The following PRKN variants were observed in gnomAD, a reference collection of about 807,000 sequenced individuals.
PRKN encodes the protein parkin RBR E3 ubiquitin protein ligase, also known as E3 ubiquitin-protein ligase parkin.
PRKN carries 56 observed loss-of-function variants against 59.5 expected under a neutral mutation model. The ratio of observed to expected loss-of-function variants is 0.94; its 90% CI spans 0.76 to 1.18. The LOEUF is 1.18. PRKN is among the 50% of genes most tolerant of loss of function. The pLI is 0.00. For synonymous variants in PRKN, 250 were observed against 222.1 expected, an observed-to-expected ratio of 1.13 and a Z score of -1.12; for missense variants, 657 against 596.4, an observed-to-expected ratio of 1.10 and a Z score of -1.06.
In PRKN at chr6:161,354,708, A is replaced by T. The variant is rs1274757044; in HGVS notation, c.1286-4497T>A. On this transcript the variant is annotated intron_variant, in intron 11 of 11. Transcript: ENST00000366898. The surrounding 1 kb of genome is among the most constrained non-coding windows in gnomAD (Gnocchi z 6.7). ...CAGGCCACGAACCTTGGTGACAACC[A>T]GGTAACATCCTTGGTCATAGAGGCT... is the stretch of plus-strand genomic sequence containing the variant. Among the ~76,000 whole-genome samples, 2 of 152,256 alleles carry T rather than the reference A, an allele frequency of 1.3e-5. No individual in the cohort carries two copies. Among genetic ancestry groups the T allele is most frequent in the African/African-American group, 4.8e-5 (2 of 41,466 alleles).
At position 161,484,040 on chromosome 6, in the gene PRKN, G is replaced by A. The variant is rs149908050; in HGVS notation, c.1083+64814C>T. ...GGCCTGCTGGGGGGTTGTGGGGAGG[G>A]AGAGCATCAGGAAGAATACCTAATG... is the stretch of plus-strand genomic sequence containing the variant. On this transcript the variant is annotated intron_variant, in intron 9 of 11. Coordinates refer to ENST00000366898, the MANE Select transcript of PRKN (RefSeq NM_004562.3). The surrounding 1 kb of genome is among the most constrained non-coding windows in gnomAD (Gnocchi z 4.9). Among the ~76,000 whole-genome samples the A allele has an allele frequency of 1.1e-4, 17 of 152,220 alleles. No homozygotes were observed. The East Asian group carries it at 3.3e-3, about 30-fold the overall frequency.
At chr6:162,552,401 C>T (rs1418995649) in intron 1 of PRKN, among the ~76,000 whole-genome samples, 6 of 152,018 alleles carry the variant, frequency 3.9e-5, no homozygotes, top group South Asian at 2.1e-4. Context: ...GGCAGGTTAT[C>T]GCGGTGGCAA....
At chr6:161,890,736 T>C (rs1795312772) in intron 6 of PRKN, among the ~76,000 whole-genome samples, 1 of 152,196 alleles carries the variant, frequency 6.6e-6, no homozygotes. Context: ...GGAACAGAAT[T>C]CTACATTCCA....
chr6:162,265,886 T>C (rs1780108301), intron 2 of PRKN, among the ~76,000 whole-genome samples: 1 of 152,166 alleles, frequency 6.6e-6, no homozygotes, highest in Non-Finnish European at 1.5e-5. Context: ...CTGAGATTTC[T>C]GCTTGTCCTC....
rs11293379 is a variant in PRKN, at chr6:161,372,825, ATTTTT to A, written c.1168-12625_1168-12621del. 8.7e-6 allele frequency among the ~76,000 whole-genome samples: 1 copy of A among 114,436 alleles called. No individual in the cohort carries two copies. Among genetic ancestry groups the A allele is most frequent in the African/African-American group, 3.4e-5 (1 of 29,568 alleles). 75.1% of individuals were successfully genotyped at this position (114,436 alleles called of 152,430 possible). On this transcript the variant is annotated intron_variant, in intron 10 of 11. Transcript: ENST00000366898. This position sits in a 1 kb window ranked among gnomAD's most constrained non-coding sequence, Gnocchi z 4.2. The stretch of plus-strand genomic sequence containing the variant: ...TGGTCAACAAAGACAGAGAGACCCT[ATTTTT>A]TTTTTTTTTTTTTTTTTGAGACAGG...
intron 4 of PRKN, among the ~76,000 whole-genome samples, chr6:162,102,636 T>C (rs1385966225): frequency 6.6e-6 from 1 of 152,172 alleles, no homozygotes; most frequent in African/African-American, 2.4e-5. Context: ...GATCCATGCC[T>C]TCTTAAAGCA....
At position 161,497,567 on chromosome 6, in the gene PRKN, T is replaced by C. The variant is rs1382876520; in HGVS notation, c.1083+51287A>G. 7.2e-6 allele frequency among the ~76,000 whole-genome samples: 1 copy of C among 138,140 alleles called. No homozygotes were observed. Among genetic ancestry groups the C allele is most frequent in the Non-Finnish European group, 1.6e-5 (1 of 62,216 alleles). The allele number at this position is 138,140 out of a possible 152,430, so 90.6% of individuals were successfully genotyped here. A position where few individuals can be genotyped will look rare whatever the true frequency, so the allele number is the denominator to read the frequency against. ...CAGTGCTTACATGTCTCTCTCTCTC[T>C]CTCTCTCTCTCACACACACACACAC... On this transcript the variant is annotated intron_variant, in intron 9 of 11. Transcript: ENST00000366898. The surrounding 1 kb of genome is among the most constrained non-coding windows in gnomAD (Gnocchi z 4.6).
At chr6:162,111,865 C>T (rs910483221) in intron 4 of PRKN, among the ~76,000 whole-genome samples, 15 of 152,208 alleles carry the variant, frequency 9.9e-5, no homozygotes, top group Non-Finnish European at 1.5e-4. Flanking sequence ...GTCTTGCTTC[C>T]ATAACTCAAC....
chr6:161,496,874 G>A, intron 9 of PRKN, among the ~76,000 whole-genome samples: 1 of 152,206 alleles, frequency 6.6e-6, no homozygotes, highest in East Asian at 1.9e-4. Flanking sequence ...AACACCAGAA[G>A]CCAGAAGATG....
chr6:162,491,535 C>T lies in PRKN; in HGVS notation c.8-48062G>A, dbSNP rs573252005. Among the ~76,000 whole-genome samples, 15 of 152,280 alleles carry T rather than the reference C, an allele frequency of 9.9e-5. No individual in the cohort carries two copies. The South Asian group carries it at 1.9e-3, about 19-fold the overall frequency. ...CCAGACAGCACCTGACTGCAGTTGC[C>T]GTGCCTCACTCACTTTCCGCCTTCA... On this transcript the variant is annotated intron_variant, in intron 1 of 11. Transcript: ENST00000366898.
chr6:161,807,916 C>T (rs1333031631), intron 6 of PRKN, among the ~76,000 whole-genome samples: 1 of 152,178 alleles, frequency 6.6e-6, no homozygotes, highest in Admixed American at 6.5e-5. Flanking sequence ...ACAATTCAAC[C>T]CACAGGTACA....
intron 6 of PRKN, among the ~76,000 whole-genome samples, chr6:161,889,453 A>G (rs1391836036): frequency 1.3e-5 from 2 of 152,186 alleles, no homozygotes; most frequent in African/African-American, 4.8e-5. Context: ...GGCGCACAGC[A>G]TCTCAAAGGC....
chr6:162,222,255 T>A (rs959825980), intron 3 of PRKN, among the ~76,000 whole-genome samples: 2 of 152,056 alleles, frequency 1.3e-5, no homozygotes, highest in African/African-American at 4.8e-5. Flanking sequence ...ATACCAAAGA[T>A]AAAGGATTTT....
intron 8 of PRKN, among the ~76,000 whole-genome samples, chr6:161,555,960 A>G (rs1780222955): frequency 6.6e-6 from 1 of 152,232 alleles, no homozygotes; most frequent in African/African-American, 2.4e-5. Context: ...CTCTTAAGTA[A>G]TTGACTATTT....
rs1034564898 is a variant in PRKN at position 161,429,063 on chromosome 6, C to T, written c.1084-42186G>A. On this transcript the variant is annotated intron_variant, in intron 9 of 11. Coordinates refer to ENST00000366898, the MANE Select transcript of PRKN (RefSeq NM_004562.3). This position sits in a 1 kb window ranked among gnomAD's most constrained non-coding sequence, Gnocchi z 4.2. The stretch of plus-strand genomic sequence containing the variant: ...AAGATGTTCCTGAAGCTAAACTTCT[C>T]TTAGACAGGACACCTGCAGATGGCA... Among the ~76,000 whole-genome samples the T allele has an allele frequency of 2.6e-5, 4 of 152,220 alleles. No individual in the cohort carries two copies. Among genetic ancestry groups the T allele is most frequent in the African/African-American group, 7.2e-5 (3 of 41,436 alleles).
intron 5 of PRKN, among the ~76,000 whole-genome samples, chr6:162,052,359 T>C (rs1006119245): frequency 6.6e-6 from 1 of 152,186 alleles, no homozygotes; most frequent in African/African-American, 2.4e-5. Flanking sequence ...GTTTTTTTAA[T>C]CTTTTATTTT....
At chr6:161,960,003 T>C (rs2128248259) in intron 6 of PRKN, among the ~76,000 whole-genome samples, 1 of 152,308 alleles carries the variant, frequency 6.6e-6, no homozygotes, top group South Asian at 2.1e-4. Context: ...ACAGACCTTC[T>C]GCAAAGTAGA....
chr6:162,712,484 C>T (rs372627492), intron 1 of PRKN, among the ~76,000 whole-genome samples: 14 of 152,312 alleles, frequency 9.2e-5, no homozygotes, highest in African/African-American at 2.6e-4. Flanking sequence ...TATCACATCA[C>T]CCCGTGAGAT....
chr6:161,784,146 A>C (rs375264205), intron 7 of PRKN, among the ~76,000 whole-genome samples: 34 of 152,360 alleles, frequency 2.2e-4, no homozygotes, highest in African/African-American at 7.9e-4. Context: ...AGGTACATAA[A>C]TTACCTCAAA....
Sources: allele counts gnomAD v4.1 joint callset (sites outside exome capture counted in the v4.1 genomes callset), GRCh38; gene constraint gnomAD v4.1.1; non-coding constraint Gnocchi (gnomAD v3.1); transcripts MANE v1.5; gene names NCBI Gene and HGNC (gene_info 2026-07-23, HGNC 2026-07-21).